Variants in CDKL5 observed in about 807,000 individuals in gnomAD.
CDKL5 encodes the protein cyclin-dependent kinase-like 5.
CDKL5 carries 8 observed loss-of-function variants against 61.7 expected under a neutral mutation model. The ratio of observed to expected loss-of-function variants is 0.13; its 90% confidence interval spans 0.08 to 0.23. The LOEUF (loss-of-function observed/expected upper bound fraction) is 0.23, where lower values mean the gene tolerates loss of function less well. CDKL5 is among the 10% of genes least tolerant of loss of function. The pLI is 1.00. For missense variants in CDKL5, 440 were observed against 734.5 expected (o/e 0.60, Z 4.63); for synonymous variants, 275 against 272.3 (o/e 1.01, Z -0.10).
chrX:18,479,516 T>C (rs1163816496), intron 1 of CDKL5, among the ~76,000 whole-genome samples: 1 of 109,345 alleles, frequency 9.1e-6, no homozygotes, highest in Admixed American at 9.8e-5. Flanking sequence ...AGACGGGGTT[T>C]CACTGTGTTA....
In CDKL5 at chrX:18,629,489, A is replaced by C. The variant is rs956070764; in HGVS notation, c.*732A>C. The C allele has an allele frequency of 1.7e-6, 1 of 592,307 alleles. No homozygotes were observed. Among genetic ancestry groups the C allele is most frequent in the African/African-American group, 2.5e-5 (1 of 39,730 alleles). The allele number at this position is 592,307 out of a possible 1,213,427, so 48.8% of individuals were successfully genotyped here. ...TATATGGTAAATATCTGTTTTATAAATATATTCATTTAAAGAAAGTATCGT... is the reference window on the plus strand; with the variant it reads ...TATATGGTAAATATCTGTTTTATAACTATATTCATTTAAAGAAAGTATCGT... On this transcript the variant is annotated 3_prime_UTR_variant, in exon 18 of 18. Transcript: ENST00000623535.
Position 18,593,363 on chromosome X carries a change from T to A in CDKL5, c.745-1985T>A, listed in dbSNP as rs529596921. On this transcript the variant is annotated intron_variant, in intron 9 of 17. Coordinates refer to ENST00000623535, the MANE Select transcript of CDKL5 (RefSeq NM_001323289.2). ...TATAATATTTCTAATACCTTTCGACTTTCAGCATTAATTTTCTTATCAATG... is the reference window on the plus strand; with the variant it reads ...TATAATATTTCTAATACCTTTCGACATTCAGCATTAATTTTCTTATCAATG... 2.7e-4 allele frequency among the ~76,000 whole-genome samples: 30 copies of A among 112,292 alleles called. No homozygotes were observed. In the South Asian group the frequency reaches 0.011, roughly 42 times the overall value.
chrX:18,552,682 C>T (rs996471451), intron 3 of CDKL5, among the ~76,000 whole-genome samples: 7 of 111,227 alleles, frequency 6.3e-5, no homozygotes, highest in East Asian at 2.8e-4. Flanking sequence ...ATCGAGGAGC[C>T]GTGGGAAGGC....
intron 1 of CDKL5, among the ~76,000 whole-genome samples, chrX:18,498,014 G>A (rs965657938): frequency 1.8e-5 from 2 of 108,197 alleles, no homozygotes; most frequent in East Asian, 5.8e-4. Flanking sequence ...AGTTGTTGTA[G>A]AGACAAGGTC....
intron 21 of CDKL5, among the ~76,000 whole-genome samples, chrX:18,651,078 G>A (rs1383197003): frequency 4.5e-5 from 5 of 110,034 alleles, no homozygotes; most frequent in Admixed American, 9.7e-5. Context: ...GAAATCCATT[G>A]CCCCTCTATC....
chrX:18,527,835 T>G (rs1453772733), intron 3 of CDKL5, among the ~76,000 whole-genome samples: 2 of 112,194 alleles, frequency 1.8e-5, no homozygotes, highest in East Asian at 5.6e-4. Flanking sequence ...AATAACGCAC[T>G]TGATGCTATA....
Position 18,638,682 on chromosome X carries a change from A to G in CDKL5, c.*9925A>G, listed in dbSNP as rs751088194. Among the ~76,000 whole-genome samples, 1 of 112,602 alleles carries G rather than the reference A, an allele frequency of 8.9e-6. No homozygotes were observed. Among genetic ancestry groups the G allele is most frequent in the East Asian group, 2.8e-4 (1 of 3,611 alleles). On this transcript the variant is annotated 3_prime_UTR_variant, in exon 18 of 18. Transcript: ENST00000623535. ...ATTCTGAAGTATTGAGCAGTTTCCAATGTGAAATCCCAGCTGGCTTCTTTG... is the reference window on the plus strand; with the variant it reads ...ATTCTGAAGTATTGAGCAGTTTCCAGTGTGAAATCCCAGCTGGCTTCTTTG...
chrX:18,586,169 G>A (rs1925639358), intron 8 of CDKL5, among the ~76,000 whole-genome samples: 1 of 111,440 alleles, frequency 9.0e-6, no homozygotes, highest in African/African-American at 3.3e-5. Context: ...CATTGTGTAG[G>A]CAGAGTTTAG....
At chrX:18,483,817 A>G (rs1921683321) in intron 1 of CDKL5, among the ~76,000 whole-genome samples, 1 of 112,177 alleles carries the variant, frequency 8.9e-6, no homozygotes, top group Non-Finnish European at 1.9e-5. Context: ...AAAAATTTTT[A>G]TGTTAGCCTA....
At chrX:18,520,160 C>T (rs1923193741) in intron 3 of CDKL5, among the ~76,000 whole-genome samples, 2 of 112,142 alleles carry the variant, frequency 1.8e-5, no homozygotes, top group South Asian at 3.7e-4. Flanking sequence ...TGAGTACATT[C>T]ATAATGTTGT....
Position 18,585,259 on chromosome X carries a change from G to A in CDKL5, c.554+906G>A, listed in dbSNP as rs370908753. ...AAAATACAAAAATTAGCCAGGCATG[G>A]TGATACCTGCCTGTAGTCCCATCTA... is the stretch of plus-strand genomic sequence containing the variant. On this transcript the variant is annotated intron_variant, in intron 8 of 17. Coordinates refer to ENST00000623535, the MANE Select transcript of CDKL5 (RefSeq NM_001323289.2). Among the ~76,000 whole-genome samples the A allele has an allele frequency of 3.6e-5, 4 of 110,719 alleles. No individual in the cohort carries two copies. The East Asian group carries it at 1.1e-3, about 32-fold the overall frequency.
At chrX:18,642,895 T>C (rs1251707319), downstream of CDKL5, among the ~76,000 whole-genome samples, 1 of 109,381 alleles carries the variant, frequency 9.1e-6, no homozygotes, top group Non-Finnish European at 1.9e-5. Context: ...TACAAAAAAA[T>C]TAGCCAGGCG....
intron 14 of CDKL5, among the ~76,000 whole-genome samples, chrX:18,610,395 A>T (rs955332890): frequency 4.5e-5 from 5 of 112,222 alleles, no homozygotes; most frequent in African/African-American, 1.6e-4. Context: ...GGACTGAAAC[A>T]TTTTCTTCTC....
At chrX:18,502,202 A>AT (rs1230457738) in intron 1 of CDKL5, among the ~76,000 whole-genome samples, 1 of 111,231 alleles carries the variant, frequency 9.0e-6, no homozygotes, top group African/African-American at 3.3e-5. Flanking sequence ...ATAGTCTCGT[A>AT]TTTTTTCTCC....
In CDKL5 at chrX:18,425,624, G is replaced by A. The variant is rs1931341456; in HGVS notation, c.-234G>A. On this transcript the variant is annotated 5_prime_UTR_variant, in exon 1 of 18. Transcript: ENST00000623535. Reference sequence around the variant, plus strand: ...GTTTCGATTAGTTGTCTCTGCCGCTGGGGAAGGTAAAGCGGCGACGGCGTC... The same window carrying A: ...GTTTCGATTAGTTGTCTCTGCCGCTAGGGAAGGTAAAGCGGCGACGGCGTC... The A allele has an allele frequency of 8.9e-6, 1 of 112,678 alleles. No individual in the cohort carries two copies. The highest frequency in any genetic ancestry group is 3.2e-5 in the African/African-American group (1 of 31,058). 9.3% of individuals were successfully genotyped at this position (112,678 alleles called of 1,213,427 possible). A position where few individuals can be genotyped will look rare whatever the true frequency, so the allele number is the denominator to read the frequency against.
At chrX:18,445,772 GC>G (rs772524747) in intron 1 of CDKL5, among the ~76,000 whole-genome samples, 32 of 111,187 alleles carry the variant, frequency 2.9e-4, no homozygotes, top group Non-Finnish European at 5.3e-4. Flanking sequence ...GTTTCCTGAG[GC>G]CTCCCCAGCC....
intron 16 of CDKL5, among the ~76,000 whole-genome samples, chrX:18,622,970 C>T (rs924871342): frequency 8.9e-6 from 1 of 111,959 alleles, no homozygotes; most frequent in Admixed American, 9.5e-5. Context: ...TACCTAAATA[C>T]TTGAATACCT....
intron 3 of CDKL5, among the ~76,000 whole-genome samples, chrX:18,513,965 AATGT>A (rs1432235446): frequency 8.9e-6 from 1 of 112,066 alleles, no homozygotes; most frequent in African/African-American, 3.2e-5. Context: ...TGTTTATAAA[AATGT>A]ATAAGTCAGG....
At chrX:18,612,307 A>G (rs894846660) in intron 14 of CDKL5, among the ~76,000 whole-genome samples, 1 of 111,679 alleles carries the variant, frequency 9.0e-6, no homozygotes, top group African/African-American at 3.3e-5. Context: ...ATGATAAGAA[A>G]GCTTTAACTT....
Sources: gnomAD v4.1 joint callset for allele counts (sites outside exome capture counted in the v4.1 genomes callset) on GRCh38, gnomAD v4.1.1 for gene constraint, MANE v1.5 for transcripts, NCBI Gene and HGNC (gene_info 2026-07-23, HGNC 2026-07-21) for gene names.